LRRC9: variants seen among roughly 807,000 people sequenced by gnomAD.
LRRC9 encodes the protein leucine-rich repeat-containing protein 9.
A neutral mutation model predicts 63.2 loss-of-function variants in LRRC9; 122 were observed. The ratio of observed to expected loss-of-function variants is 1.93; its 90% CI spans 1.67 to 2.24. The LOEUF is 2.24. LRRC9 is among the 30% of genes most tolerant of loss of function. LRRC9 has a pLI of 0.00. For missense variants in LRRC9, 1,071 were observed against 627.7 expected, an observed-to-expected ratio of 1.71 and a Z score of -7.55; for synonymous variants, 366 against 213.1, an observed-to-expected ratio of 1.72 and a Z score of -6.25.
intron 29 of LRRC9, among the ~76,000 whole-genome samples, chr14:60,039,177 TGA>T (rs1892715005): frequency 6.6e-6 from 1 of 152,240 alleles, no homozygotes; most frequent in Non-Finnish European, 1.5e-5. Context: ...AGTATTTTAT[TGA>T]GGATTTTTGC....
rs977284322 is a variant in LRRC9 at position 59,967,000 on chromosome 14, G to A, written c.1389-96G>A. Reference sequence around the variant, plus strand: ...TGACACTAGAACATTGCATGTCAATGACAAATATCCCTGGCAGGACATATG... The same window carrying A: ...TGACACTAGAACATTGCATGTCAATAACAAATATCCCTGGCAGGACATATG... On this transcript the variant is annotated intron_variant, in intron 11 of 31. Transcript: ENST00000445360. This position sits in a 1 kb window ranked among gnomAD's most constrained non-coding sequence, Gnocchi z 4.0. 3.7e-6 allele frequency: 2 copies of A among 536,418 alleles called. No individual in the cohort carries two copies. The highest frequency in any genetic ancestry group is 6.8e-6 in the Non-Finnish European group (2 of 296,286). 33.2% of individuals were successfully genotyped at this position (536,418 alleles called of 1,614,324 possible).
At position 59,927,043 on chromosome 14, in the gene LRRC9, C is replaced by T. The variant is rs1889268942; in HGVS notation, c.-33-868C>T. Among the ~76,000 whole-genome samples, 1 of 152,044 alleles carries T rather than the reference C, an allele frequency of 6.6e-6. No individual in the cohort carries two copies. Among genetic ancestry groups the T allele is most frequent in the African/African-American group, 2.4e-5 (1 of 41,406 alleles). ...ATCCAGCTTTACATTTGTATTCTGG[C>T]CACAAAGGCTTTCACCTGCATCTAA... On this transcript the variant is annotated intron_variant, in intron 1 of 31. Transcript: ENST00000445360. The surrounding 1 kb of genome is among the most constrained non-coding windows in gnomAD (Gnocchi z 4.4).
chr14:59,992,620 T>C (rs1888275485), intron 17 of LRRC9, among the ~76,000 whole-genome samples: 1 of 152,046 alleles, frequency 6.6e-6, no homozygotes, highest in African/African-American at 2.4e-5. Flanking sequence ...TTAAAGGACC[T>C]GATGGAGCTG....
chr14:59,949,608 C>A (rs1349183847), intron 8 of LRRC9, among the ~76,000 whole-genome samples: 2 of 151,474 alleles, frequency 1.3e-5, no homozygotes. Context: ...AATTTTGGAT[C>A]TTTCCTGCTT....
At chr14:59,998,916 A>G (rs1180442610) in intron 18 of LRRC9, among the ~76,000 whole-genome samples, 185 bp from the exon 19 acceptor site, 1 of 152,074 alleles carries the variant, frequency 6.6e-6, no homozygotes, top group Non-Finnish European at 1.5e-5. Context: ...TCAACCTTCA[A>G]ACAAACAGAT....
In LRRC9 at chr14:59,990,950, GCCTATAGAGCAA is replaced by G. The variant is rs1338819774; in HGVS notation, c.2211+5730_2211+5741del. The stretch of plus-strand genomic sequence containing the variant: ...TTTATCTCTACCAACTTCTTTTGGA[GCCTATAGAGCAA>G]CCTTGTCATGTAGTTTTGTTGTAAA... On this transcript the variant is annotated intron_variant, in intron 17 of 31. Transcript: ENST00000445360. The surrounding 1 kb of genome is among the most constrained non-coding windows in gnomAD (Gnocchi z 4.2). Among the ~76,000 whole-genome samples the G allele has an allele frequency of 4.6e-5, 7 of 152,292 alleles. No homozygotes were observed. The highest frequency in any genetic ancestry group is 1.7e-4 in the African/African-American group (7 of 41,554).
At chr14:59,980,797 G>A (rs1886845953) in intron 15 of LRRC9, among the ~76,000 whole-genome samples, 1 of 152,198 alleles carries the variant, frequency 6.6e-6, no homozygotes, top group Admixed American at 6.5e-5. Context: ...CAGACAAACA[G>A]TAAACAGATA....
At position 59,922,049 on chromosome 14, in the gene LRRC9, A is replaced by G. The variant is rs2139730707; in HGVS notation, c.-34+2166A>G. On this transcript the variant is annotated intron_variant, in intron 1 of 31. Coordinates refer to ENST00000445360, the Ensembl canonical transcript of LRRC9. The surrounding 1 kb of genome is among the most constrained non-coding windows in gnomAD (Gnocchi z 5.3). The stretch of plus-strand genomic sequence containing the variant: ...GAGTGAGCCCAGATTGTGCCACTGC[A>G]GTCAAGCCTGGGCAGCAAAGTGAGA... 6.6e-6 allele frequency among the ~76,000 whole-genome samples: 1 copy of G among 152,096 alleles called. No individual in the cohort carries two copies. Among genetic ancestry groups the G allele is most frequent in the African/African-American group, 2.4e-5 (1 of 41,508 alleles).
intron 15 of LRRC9, among the ~76,000 whole-genome samples, chr14:59,979,184 A>G (rs1390939360): frequency 6.6e-6 from 1 of 152,144 alleles, no homozygotes; most frequent in Non-Finnish European, 1.5e-5. Flanking sequence ...GGATTGCTTG[A>G]GCCCAGGAGT....
At chr14:60,063,529 C>T (rs1894790567) in exon 32 of LRRC9, 3 of 505,172 alleles carry the variant, frequency 5.9e-6, no homozygotes, top group Non-Finnish European at 1.1e-5. Context: ...CCTTCATGAA[C>T]TTGATTTAAT....
At chr14:59,972,171 T>C (rs894379771) in intron 12 of LRRC9, among the ~76,000 whole-genome samples, 1 of 152,154 alleles carries the variant, frequency 6.6e-6, no homozygotes, top group African/African-American at 2.4e-5. Flanking sequence ...TGCTGTTTTC[T>C]ATTTTTACCC....
chr14:60,052,386 C>T (rs565104952), intron 29 of LRRC9, among the ~76,000 whole-genome samples: 2 of 152,254 alleles, frequency 1.3e-5, no homozygotes, highest in South Asian at 4.1e-4. Context: ...CCAGTAGAGA[C>T]TCAGCATTCA....
chr14:59,997,363 G>C (rs958722286), intron 17 of LRRC9, among the ~76,000 whole-genome samples: 2 of 151,982 alleles, frequency 1.3e-5, no homozygotes. Flanking sequence ...TTTGTTTGTT[G>C]GGGATAAATT....
intron 12 of LRRC9, among the ~76,000 whole-genome samples, chr14:59,973,899 T>C (rs1457122693): frequency 6.6e-6 from 1 of 152,148 alleles, no homozygotes; most frequent in Non-Finnish European, 1.5e-5. Context: ...TTTGAGATTG[T>C]GACAAGGACA....
At chr14:60,037,269 G>C (rs530888928) in intron 29 of LRRC9, among the ~76,000 whole-genome samples, 2 of 152,240 alleles carry the variant, frequency 1.3e-5, no homozygotes, top group Admixed American at 1.3e-4. Context: ...ATAATCCTTT[G>C]GGTATATGTC....
intron 27 of LRRC9, among the ~76,000 whole-genome samples, chr14:60,026,311 T>A (rs910787095): frequency 2.0e-5 from 3 of 152,102 alleles, no homozygotes; most frequent in Non-Finnish European, 4.4e-5. Context: ...AAGCCATTTT[T>A]ACTGGGGTGA....
intron 16 of LRRC9, among the ~76,000 whole-genome samples, 172 bp from the exon 17 acceptor site, chr14:59,984,928 ATAGAT>A (rs1395293810): frequency 6.6e-6 from 1 of 152,222 alleles, no homozygotes; most frequent in Non-Finnish European, 1.5e-5. Context: ...TTTTAACATC[ATAGAT>A]TAGATTTTTT....
intron 29 of LRRC9, among the ~76,000 whole-genome samples, chr14:60,032,433 G>C (rs546826289): frequency 2.3e-3 from 345 of 151,976 alleles, no homozygotes; most frequent in Middle Eastern, 0.01. Context: ...TTTCTTCACT[G>C]CCTTGGCTAT....
intron 31 of LRRC9, among the ~76,000 whole-genome samples, chr14:60,061,730 A>T (rs138552150): frequency 1.1e-3 from 161 of 152,334 alleles, no homozygotes; most frequent in African/African-American, 3.6e-3. Flanking sequence ...TTATCTGTAC[A>T]TTTATTACAG....
Sources: allele counts gnomAD v4.1 joint callset (sites outside exome capture counted in the v4.1 genomes callset), GRCh38; gene constraint gnomAD v4.1.1; non-coding constraint Gnocchi (gnomAD v3.1); transcripts MANE v1.5; gene names NCBI Gene and HGNC (gene_info 2026-07-23, HGNC 2026-07-21).